RIMBP2: variants seen among roughly 807,000 people sequenced by gnomAD.
RIMBP2 encodes the protein RIMS binding protein 2.
Under a neutral mutation model 118.6 loss-of-function variants are expected in RIMBP2, and 48 were observed. The observed-to-expected ratio is 0.40, with a 90% CI of 0.32 to 0.51. The LOEUF (loss-of-function observed/expected upper bound fraction) is 0.51. Among genes scored for constraint, RIMBP2 ranks in the 20% least tolerant of loss-of-function variants. The probability of loss-of-function intolerance (pLI) is 0.41; values close to 1 mark genes in which losing one functional copy is unlikely to be tolerated. For missense variants in RIMBP2, 1,551 were observed against 1,768.3 expected (o/e 0.88, Z 2.20); for synonymous variants, 762 against 742.9 (o/e 1.03, Z -0.42).
rs1159915580 is a variant in RIMBP2 at position 130,688,964 on chromosome 12, C to T, written c.-352+27258G>A. ...CAGCAGAGAACTGCCCAGTGTGCGC[C>T]GATATCCTCTGTCCCTTTTCATTTC... On this transcript the variant is annotated intron_variant, in intron 1 of 22. Transcript: ENST00000690449. The surrounding 1 kb of genome is among the most constrained non-coding windows in gnomAD (Gnocchi z 4.7). 6.6e-6 allele frequency among the ~76,000 whole-genome samples: 1 copy of T among 152,228 alleles called. No individual in the cohort carries two copies. The highest frequency in any genetic ancestry group is 2.4e-5 in the African/African-American group (1 of 41,464).
chr12:130,706,453 C>A (rs1228858015), intron 1 of RIMBP2, among the ~76,000 whole-genome samples: 3 of 152,242 alleles, frequency 2.0e-5, no homozygotes, highest in Non-Finnish European at 4.4e-5. Context: ...TGGCTCCAGA[C>A]TCTGCCCTGT....
rs1409536367 is a variant in RIMBP2 at position 130,450,602 on chromosome 12, G to C, written c.505-326C>G. Among the ~76,000 whole-genome samples, 1 of 151,724 alleles carries C rather than the reference G, an allele frequency of 6.6e-6. No homozygotes were observed. Among genetic ancestry groups the C allele is most frequent in the East Asian group, 2.0e-4 (1 of 5,114 alleles). On this transcript the variant is annotated intron_variant, in intron 8 of 22. Transcript: ENST00000690449. This position sits in a 1 kb window ranked among gnomAD's most constrained non-coding sequence, Gnocchi z 4.8. ...GTCAGCGGCGTGGCCTTTTCTCATA[G>C]GGGTGGGGGTAAAATTAAGCAGTAT...
chr12:130,605,981 T>C (rs747770466), intron 2 of RIMBP2, among the ~76,000 whole-genome samples: 1 of 151,904 alleles, frequency 6.6e-6, no homozygotes, highest in Admixed American at 6.6e-5. Flanking sequence ...GGCAGGAGAA[T>C]TGCTTGAACC....
chr12:130,639,487 C>CAAAAAAAAA lies in RIMBP2; in HGVS notation c.-351-11040_-351-11032dup, dbSNP rs138670754. On this transcript the variant is annotated intron_variant, in intron 1 of 22. Coordinates refer to ENST00000690449, the MANE Select transcript of RIMBP2 (RefSeq NM_001393629.1). ...AGACTAATAGAACAAGATCCTGCCT[C>CAAAAAAAAA]AAAAAAAAAAAAAAAAAAAAAAAAA... is the stretch of plus-strand genomic sequence containing the variant. 2.5e-4 allele frequency among the ~76,000 whole-genome samples: 22 copies of CAAAAAAAAA among 88,060 alleles called. 1 individual carries two copies. Among genetic ancestry groups the CAAAAAAAAA allele is most frequent in the African/African-American group, 9.3e-4 (19 of 20,346 alleles). 57.8% of individuals were successfully genotyped at this position (88,060 alleles called of 152,430 possible).
chr12:130,530,282 T>C (rs1398037441), intron 2 of RIMBP2, among the ~76,000 whole-genome samples: 2 of 152,206 alleles, frequency 1.3e-5, no homozygotes, highest in African/African-American at 4.8e-5. Context: ...TTTGCAAGGG[T>C]AATTTTTTTC....
In RIMBP2 at chr12:130,447,571, G is replaced by A. The variant is rs188964634; in HGVS notation, c.582-2302C>T. Among the ~76,000 whole-genome samples, 104 of 151,832 alleles carry A rather than the reference G, an allele frequency of 6.8e-4. No individual in the cohort carries two copies. Among genetic ancestry groups the A allele is most frequent in the African/African-American group, 2.4e-3 (99 of 41,220 alleles). On this transcript the variant is annotated intron_variant, in intron 9 of 22. Coordinates refer to ENST00000690449, the MANE Select transcript of RIMBP2 (RefSeq NM_001393629.1). This position sits in a 1 kb window ranked among gnomAD's most constrained non-coding sequence, Gnocchi z 4.4. ...GACAGGTGATCACTGATGGGAATGG[G>A]TTCTTGAGGGGCGATGGGAGACCCC... is the stretch of plus-strand genomic sequence containing the variant.
intron 1 of RIMBP2, among the ~76,000 whole-genome samples, chr12:130,702,217 T>C (rs2065886474): frequency 1.3e-5 from 2 of 151,530 alleles, no homozygotes; most frequent in Non-Finnish European, 2.9e-5. Flanking sequence ...CCAAGAGCAA[T>C]GAAATAACCA....
At chr12:130,534,802 A>G (rs940171904) in intron 2 of RIMBP2, among the ~76,000 whole-genome samples, 8 of 152,236 alleles carry the variant, frequency 5.3e-5, no homozygotes, top group African/African-American at 1.7e-4. Context: ...GTCTAAGCAA[A>G]GCAGCCTGGC....
chr12:130,422,635 A>C lies in RIMBP2; in HGVS notation c.3130-74T>G. The C allele has an allele frequency of 9.0e-7, 1 of 1,108,196 alleles. No individual in the cohort carries two copies. The allele number at this position is 1,108,196 out of a possible 1,614,324, so 68.6% of individuals were successfully genotyped here. A position where few individuals can be genotyped will look rare whatever the true frequency, so the allele number is the denominator to read the frequency against. ...CTGAAGAATTCAGTTAGCCAAATCAAGCGGGTTGAAAAGCAGAATCTGTAA... is the reference window on the plus strand; with the variant it reads ...CTGAAGAATTCAGTTAGCCAAATCACGCGGGTTGAAAAGCAGAATCTGTAA... On this transcript the variant is annotated intron_variant, in intron 16 of 22. Transcript: ENST00000690449. The surrounding 1 kb of genome is among the most constrained non-coding windows in gnomAD (Gnocchi z 5.2).
intron 1 of RIMBP2, chr12:130,657,874 G>GT (rs2063495937): frequency 2.6e-5 from 4 of 152,276 alleles, no homozygotes. Flanking sequence ...CCAACGAGTT[G>GT]TTTTTTACAT....
intron 4 of RIMBP2, among the ~76,000 whole-genome samples, chr12:130,504,534 T>C (rs980735660): frequency 6.6e-6 from 1 of 152,048 alleles, no homozygotes; most frequent in Non-Finnish European, 1.5e-5. Context: ...CGCGAGGCCC[T>C]GAGCAGCCCT....
intron 4 of RIMBP2, among the ~76,000 whole-genome samples, chr12:130,490,741 G>A (rs1028620049): frequency 6.6e-6 from 1 of 152,184 alleles, no homozygotes; most frequent in African/African-American, 2.4e-5. Context: ...TGGTGTGAAG[G>A]CTGAGACCTG....
intron 3 of RIMBP2, among the ~76,000 whole-genome samples, chr12:130,513,034 G>A (rs919166938): frequency 2.6e-5 from 4 of 152,168 alleles, no homozygotes; most frequent in African/African-American, 9.7e-5. Flanking sequence ...TTGCATGGTT[G>A]CCATCTCATA....
At chr12:130,716,104 G>A (rs1242291137) in intron 1 of RIMBP2, 118 bp downstream of exon 1, 2 of 152,212 alleles carry the variant, frequency 1.3e-5, no homozygotes, top group South Asian at 2.1e-4. Flanking sequence ...GATAAACTTT[G>A]TCTGGGCAAA....
intron 1 of RIMBP2, among the ~76,000 whole-genome samples, chr12:130,648,120 T>C (rs1427998697): frequency 1.5e-5 from 2 of 136,126 alleles, no homozygotes; most frequent in African/African-American, 5.0e-5. Context: ...CATCCCTAGA[T>C]TATGAGTTCC....
chr12:130,504,055 G>C (rs570199733), intron 4 of RIMBP2, among the ~76,000 whole-genome samples: 1 of 152,182 alleles, frequency 6.6e-6, no homozygotes. Context: ...GCAGGGGGGG[G>C]TGTCTAGTCA....
In RIMBP2 at chr12:130,442,013, C is replaced by T. The variant is rs1306907640; in HGVS notation, c.1339G>A (p.Asp447Asn). ...TTGTACCTGGCGGCCTTGACGATGT[C>T]GAACTCCTCCTCGTTGAGGAAGATG... ...HVIFLNEEEF[D>N]IVKAARYKYQ... Residue 447 changes from aspartate to asparagine, a missense_variant, in exon 11 of 23, where the codon GAC becomes AAC. Transcript: ENST00000690449. This position sits in a 1 kb window ranked among gnomAD's most constrained non-coding sequence, Gnocchi z 6.9. 6.2e-7 allele frequency: 1 copy of T among 1,614,152 alleles called. No homozygotes were observed. The highest frequency in any genetic ancestry group is 8.5e-7 in the Non-Finnish European group (1 of 1,180,050).
At chr12:130,398,147 C>T (rs1008305757) in intron 22 of RIMBP2, 3 of 152,460 alleles carry the variant, frequency 2.0e-5, no homozygotes, top group South Asian at 2.1e-4. Flanking sequence ...GAATCTTCCT[C>T]AGTAGATAGC....
intron 1 of RIMBP2, chr12:130,658,491 G>C (rs1371900865): frequency 6.6e-6 from 1 of 152,162 alleles, no homozygotes; most frequent in Admixed American, 6.5e-5. Context: ...AAAAGAAGAC[G>C]GCAGACAACA....
Sources: allele counts gnomAD v4.1 joint callset (sites outside exome capture counted in the v4.1 genomes callset), GRCh38; gene constraint gnomAD v4.1.1; non-coding constraint Gnocchi (gnomAD v3.1); transcripts MANE v1.5; gene names NCBI Gene and HGNC (gene_info 2026-07-23, HGNC 2026-07-21).